PCDHGA2: variants seen among roughly 807,000 people sequenced by gnomAD.
The protein encoded by PCDHGA2 is protocadherin gamma subfamily A, 2.
PCDHGA2 carries 40 observed loss-of-function variants against 59.2 expected under a neutral mutation model. That is an observed-to-expected ratio of 0.68 (90% CI 0.52 to 0.88). The LOEUF (loss-of-function observed/expected upper bound fraction) is 0.88, where lower values mean the gene tolerates loss of function less well. Ranked by LOEUF, PCDHGA2 falls within the 40% of genes least tolerant of loss-of-function variation. PCDHGA2 has a pLI of 0.00. For synonymous variants in PCDHGA2, 560 were observed against 526.0 expected (o/e 1.06, Z -0.89); for missense variants, 1,226 against 1,204.0 (o/e 1.02, Z -0.27).
At chr5:141,461,278 C>T (rs2099012353) in intron 1 of PCDHGA2, among the ~76,000 whole-genome samples, 1 of 152,086 alleles carries the variant, frequency 6.6e-6, no homozygotes, top group South Asian at 2.1e-4. Context: ...GTTCTCTTTT[C>T]CCCACATCCA....
Position 141,372,333 on chromosome 5 carries a change from C to T in PCDHGA2, c.2424+30938C>T, listed in dbSNP as rs376897075. On this transcript the variant is annotated intron_variant, in intron 1 of 3. Transcript: ENST00000394576. The stretch of plus-strand genomic sequence containing the variant: ...CCGCCAGCGCCTGCTGGTCACTGTG[C>T]GTGATGGAGGACAGCAGCCTCTTTC... 5.9e-5 allele frequency: 96 copies of T among 1,613,614 alleles called. No homozygotes were observed. Among genetic ancestry groups the T allele is most frequent in the Non-Finnish European group, 7.9e-5 (93 of 1,179,914 alleles).
At chr5:141,347,354 T>G (rs1293952352) in intron 1 of PCDHGA2, among the ~76,000 whole-genome samples, 1 of 151,892 alleles carries the variant, frequency 6.6e-6, no homozygotes, top group Non-Finnish European at 1.5e-5. Context: ...GGGCAATTGC[T>G]ATGTTTCCCA....
intron 2 of PCDHGA2, among the ~76,000 whole-genome samples, chr5:141,499,317 A>G (rs532848559): frequency 7.9e-5 from 12 of 152,354 alleles, no homozygotes; most frequent in Admixed American, 1.3e-4. Context: ...GAGAGACAGT[A>G]TCCCTGCTCT....
intron 1 of PCDHGA2, chr5:141,417,540 A>G (rs1301087527): frequency 2.0e-5 from 6 of 301,520 alleles, no homozygotes; most frequent in Non-Finnish European, 3.6e-5. Context: ...TTTAAAAAAA[A>G]TTCCTTGAAA....
intron 2 of PCDHGA2, among the ~76,000 whole-genome samples, chr5:141,496,279 G>C (rs902362885): frequency 1.3e-5 from 2 of 152,198 alleles, no homozygotes; most frequent in Non-Finnish European, 2.9e-5. Context: ...ACCTTCAGTT[G>C]GTCTGAGCAG....
chr5:141,457,809 C>A (rs1404645915), intron 1 of PCDHGA2, among the ~76,000 whole-genome samples: 1 of 152,180 alleles, frequency 6.6e-6, no homozygotes, highest in Non-Finnish European at 1.5e-5. Flanking sequence ...CTCTTGAGGT[C>A]CCAAGATAAA....
intron 1 of PCDHGA2, chr5:141,370,646 A>G: frequency 1.2e-6 from 2 of 1,613,916 alleles, no homozygotes; most frequent in Non-Finnish European, 1.7e-6. Context: ...ATGGGAACTT[A>G]CTTGTGAGCG....
intron 1 of PCDHGA2, chr5:141,365,305 C>T (rs753864685): frequency 1.5e-5 from 24 of 1,613,808 alleles, no homozygotes; most frequent in Non-Finnish European, 1.9e-5. Flanking sequence ...AGGATGGAGG[C>T]GCTCTTGTTG....
At chr5:141,356,306 T>G in intron 1 of PCDHGA2, 2 of 1,554,168 alleles carry the variant, frequency 1.3e-6, no homozygotes, top group Non-Finnish European at 1.7e-6. Flanking sequence ...ATTGCACTTT[T>G]CAACGTGCAT....
chr5:141,366,873 G>A (rs1764838091), intron 1 of PCDHGA2: 6 of 1,393,396 alleles, frequency 4.3e-6, no homozygotes, highest in Non-Finnish European at 5.8e-6. Flanking sequence ...CTGTATTGGA[G>A]ATTAATTTTT....
intron 1 of PCDHGA2, among the ~76,000 whole-genome samples, chr5:141,470,752 C>T (rs1427502169): frequency 6.6e-6 from 1 of 152,178 alleles, no homozygotes; most frequent in Non-Finnish European, 1.5e-5. Flanking sequence ...GGCTGGAGTG[C>T]AGTGGACTCA....
chr5:141,409,541 G>C lies in PCDHGA2; in HGVS notation c.2424+68146G>C, dbSNP rs1485327824. ...CACCTTGTATGTCGCTGACATCAAC[G>C]ACAACGCCCCAGTTTTCGACCAGAC... On this transcript the variant is annotated intron_variant, in intron 1 of 3. Coordinates refer to ENST00000394576, the MANE Select transcript of PCDHGA2 (RefSeq NM_018915.4). 16 of 1,613,852 alleles carry C rather than the reference G, an allele frequency of 9.9e-6. No homozygotes were observed. Among genetic ancestry groups the C allele is most frequent in the Admixed American group, 1.7e-5 (1 of 60,016 alleles).
At chr5:141,510,845 C>T (rs2099883036) in intron 3 of PCDHGA2, 102 bp from the exon 4 acceptor site, 3 of 1,593,960 alleles carry the variant, frequency 1.9e-6, no homozygotes, top group Non-Finnish European at 2.6e-6. Context: ...TGGTCAAGGC[C>T]CAGGGTGCTG....
chr5:141,362,432 A>T, intron 1 of PCDHGA2: 1 of 1,613,924 alleles, frequency 6.2e-7, no homozygotes, highest in South Asian at 1.1e-5. Flanking sequence ...ACAGAGTTCA[A>T]TTTTCTGAAC....
intron 1 of PCDHGA2, chr5:141,376,385 C>T (rs1200175997): frequency 6.2e-7 from 1 of 1,614,120 alleles, no homozygotes; most frequent in Non-Finnish European, 8.5e-7. Flanking sequence ...TAAGAGTCAT[C>T]TGATTTTCCC....
chr5:141,346,429 A>T, intron 1 of PCDHGA2: 1 of 1,614,274 alleles, frequency 6.2e-7, no homozygotes, highest in South Asian at 1.1e-5. Flanking sequence ...GATTTACTTG[A>T]AATGAAAGGA....
intron 2 of PCDHGA2, among the ~76,000 whole-genome samples, chr5:141,502,834 A>G (rs1398558120): frequency 6.7e-6 from 1 of 149,378 alleles, no homozygotes; most frequent in Non-Finnish European, 1.5e-5. Flanking sequence ...GGAAGCCTGG[A>G]CTGGCTGAGC....
intron 3 of PCDHGA2, among the ~76,000 whole-genome samples, chr5:141,509,040 C>T (rs1217864661): frequency 6.6e-6 from 1 of 152,132 alleles, no homozygotes; most frequent in African/African-American, 2.4e-5. Context: ...CAACCCCTCT[C>T]CCCCGCCCCC....
At position 141,505,514 on chromosome 5, in the gene PCDHGA2, G is replaced by A. The variant is rs758026551; in HGVS notation, c.2572+33G>A. The A allele has an allele frequency of 1.2e-5, 20 of 1,613,682 alleles. No homozygotes were observed. The South Asian group carries it at 1.8e-4, about 14-fold the overall frequency. ...GTGTCAGTGTGTGTATGGAAGAGTGGGAGACCTGGGGTTCTGGGGTGCATC... is the reference window on the plus strand; with the variant it reads ...GTGTCAGTGTGTGTATGGAAGAGTGAGAGACCTGGGGTTCTGGGGTGCATC... On this transcript the variant is annotated intron_variant, in intron 3 of 3. Transcript: ENST00000394576.
Sources: allele counts gnomAD v4.1 joint callset (sites outside exome capture counted in the v4.1 genomes callset), GRCh38; gene constraint gnomAD v4.1.1; transcripts MANE v1.5; gene names NCBI Gene and HGNC (gene_info 2026-07-23, HGNC 2026-07-21).